Variants in HIVEP3 observed in about 807,000 individuals in gnomAD.
HIVEP3 encodes transcription factor HIVEP3.
A neutral mutation model predicts 152.8 loss-of-function variants in HIVEP3; 49 were observed. The observed-to-expected ratio is 0.32, with a 90% CI of 0.26 to 0.41. The LOEUF is 0.41. HIVEP3 is among the 10% of genes least tolerant of loss of function. The probability of loss-of-function intolerance (pLI) is 1.00; values close to 1 mark genes in which losing one functional copy is unlikely to be tolerated. For missense variants in HIVEP3, 2,790 were observed against 3,103.3 expected, an observed-to-expected ratio of 0.90 and a Z score of 2.40; for synonymous variants, 1,269 against 1,289.0, an observed-to-expected ratio of 0.98 and a Z score of 0.33.
chr1:41,804,371 CTGCCCAGTGCTGCAGGCACACGGGCT>C (rs1338738076), intron 1 of HIVEP3, among the ~76,000 whole-genome samples: 2 of 152,242 alleles, frequency 1.3e-5, no homozygotes, highest in Non-Finnish European at 2.9e-5. Flanking sequence ...CTGCCAAAAT[CTGCCCAGTGCTGCAGGCACACGGGCT>C]TGTTTAATCC....
chr1:41,843,685 A>G (rs141156613), intron 1 of HIVEP3, among the ~76,000 whole-genome samples: 78 of 152,304 alleles, frequency 5.1e-4, no homozygotes, highest in African/African-American at 1.8e-3. Flanking sequence ...GCTTCTATTC[A>G]TGTTTAACAT....
chr1:41,958,567 G>A (rs1645152638), intron 1 of HIVEP3, among the ~76,000 whole-genome samples: 1 of 152,158 alleles, frequency 6.6e-6, no homozygotes. Flanking sequence ...CAAGCTGCAG[G>A]GGCAGATGAC....
At chr1:41,691,938 G>A (rs947456934) in intron 2 of HIVEP3, among the ~76,000 whole-genome samples, 35 of 150,472 alleles carry the variant, frequency 2.3e-4, no homozygotes, top group Non-Finnish European at 3.5e-4. Context: ...TCCGCCTCCC[G>A]GGTTCAAGTG....
intron 4 of HIVEP3, among the ~76,000 whole-genome samples, 176 bp from the exon 5 acceptor site, chr1:41,575,865 C>T (rs1283039598): frequency 6.6e-6 from 1 of 152,208 alleles, no homozygotes; most frequent in Non-Finnish European, 1.5e-5. Flanking sequence ...GGAAACTGAT[C>T]CCCAGAGAGA....
intron 1 of HIVEP3, among the ~76,000 whole-genome samples, chr1:41,765,262 C>A (rs1390519325): frequency 6.6e-6 from 1 of 152,212 alleles, no homozygotes; most frequent in Non-Finnish European, 1.5e-5. Context: ...ATCTCCCCAG[C>A]TATTTATAAA....
chr1:41,884,821 C>T (rs1002637531), intron 1 of HIVEP3, among the ~76,000 whole-genome samples: 2 of 125,026 alleles, frequency 1.6e-5, no homozygotes, highest in Admixed American at 2.0e-4. Flanking sequence ...CCCCACTTGG[C>T]AGAGGGCAGC....
intron 2 of HIVEP3, among the ~76,000 whole-genome samples, chr1:41,683,572 T>C (rs1570307224): frequency 1.3e-5 from 2 of 152,166 alleles, no homozygotes; most frequent in Non-Finnish European, 2.9e-5. Flanking sequence ...TTCTCTTGAG[T>C]CTGAGTAAAG....
chr1:41,861,540 T>C (rs1245635220), intron 1 of HIVEP3, among the ~76,000 whole-genome samples: 2 of 152,232 alleles, frequency 1.3e-5, no homozygotes, highest in Admixed American at 1.3e-4. Context: ...GGGGAAATTT[T>C]AGGCAGGTGG....
At chr1:41,673,246 G>A (rs1645904699) in intron 2 of HIVEP3, among the ~76,000 whole-genome samples, 1 of 152,250 alleles carries the variant, frequency 6.6e-6, no homozygotes, top group African/African-American at 2.4e-5. Context: ...GGTCAGGAAC[G>A]ACTGGGGTCT....
intron 2 of HIVEP3, among the ~76,000 whole-genome samples, chr1:41,657,401 C>A (rs1266987107): frequency 6.6e-6 from 1 of 152,158 alleles, no homozygotes; most frequent in Non-Finnish European, 1.5e-5. Context: ...AATGGTTATG[C>A]AATGAAGAGG....
intron 1 of HIVEP3, among the ~76,000 whole-genome samples, chr1:41,853,552 C>T (rs918782073): frequency 6.6e-6 from 1 of 152,166 alleles, no homozygotes; most frequent in Non-Finnish European, 1.5e-5. Context: ...CACCTGCTCT[C>T]TCCTTTGACA....
At chr1:41,874,965 G>A (rs573839652) in intron 1 of HIVEP3, among the ~76,000 whole-genome samples, 8 of 152,264 alleles carry the variant, frequency 5.3e-5, no homozygotes, top group African/African-American at 7.2e-5. Context: ...TCTGCCTTCC[G>A]CCCTCGCCAC....
At position 41,583,061 on chromosome 1, in the gene HIVEP3, C is replaced by T; in HGVS notation, c.1737G>A (p.Val579=). The change falls in exon 4 of 9, where the codon GTG becomes GTA. Residue 579 remains valine, a synonymous_variant. Coordinates refer to ENST00000372583, the MANE Select transcript of HIVEP3 (RefSeq NM_024503.5). The surrounding 1 kb of genome is among the most constrained non-coding windows in gnomAD (Gnocchi z 6.9). ...DSEALSHSSH[V]FTSHPRMLKR... ...TCAGCATCCGGGGGTGGGAGGTAAA[C>T]ACGTGACTGCTGTGGCTCAGGGCTT... 1 of 1,613,846 alleles carries T rather than the reference C, an allele frequency of 6.2e-7. No individual in the cohort carries two copies. The highest frequency in any genetic ancestry group is 8.5e-7 in the Non-Finnish European group (1 of 1,179,904).
Position 41,510,367 on chromosome 1 carries a change from G to A in HIVEP3, c.*84C>T. 8.1e-7 allele frequency: 1 copy of A among 1,229,238 alleles called. No homozygotes were observed. The allele number at this position is 1,229,238 out of a possible 1,614,324, so 76.1% of individuals were successfully genotyped here. On this transcript the variant is annotated 3_prime_UTR_variant, in exon 9 of 9. Transcript: ENST00000372583. ...TGGACGGAGGGACAGATGGGGCTGA[G>A]GAAGTGGGATGATTCGAGGAAAGTG...
chr1:41,689,523 C>T (rs966254700), intron 2 of HIVEP3, among the ~76,000 whole-genome samples: 6 of 152,056 alleles, frequency 3.9e-5, no homozygotes, highest in Admixed American at 3.9e-4. Context: ...GGAGAGAGTC[C>T]CTGGGAGGAA....
At chr1:41,554,725 T>C (rs1643938912) in intron 5 of HIVEP3, among the ~76,000 whole-genome samples, 1 of 152,210 alleles carries the variant, frequency 6.6e-6, no homozygotes, top group African/African-American at 2.4e-5. Flanking sequence ...TGTTTGTTAG[T>C]TTTCCTTCTA....
intron 1 of HIVEP3, among the ~76,000 whole-genome samples, chr1:41,809,328 G>A (rs1010622885): frequency 1.3e-5 from 2 of 152,180 alleles, no homozygotes; most frequent in South Asian, 4.1e-4. Context: ...ACAGTGTGAG[G>A]ACAGTAGGCC....
chr1:41,897,952 A>AGG, intron 1 of HIVEP3, among the ~76,000 whole-genome samples: 1 of 145,232 alleles, frequency 6.9e-6, no homozygotes, highest in Admixed American at 6.7e-5. Context: ...AGAGAGAGAG[A>AGG]GAGAGAGAGA....
At chr1:41,980,763 T>C (rs1645289597) in intron 1 of HIVEP3, among the ~76,000 whole-genome samples, 1 of 152,232 alleles carries the variant, frequency 6.6e-6, no homozygotes, top group South Asian at 2.1e-4. Context: ...GGGCTCGAGC[T>C]GTTTGATTCA....
Sources: gnomAD v4.1 joint callset for allele counts (sites outside exome capture counted in the v4.1 genomes callset) on GRCh38, gnomAD v4.1.1 for gene constraint, Gnocchi (gnomAD v3.1) non-coding constraint, MANE v1.5 for transcripts, NCBI Gene and HGNC (gene_info 2026-07-23, HGNC 2026-07-21) for gene names.